LRP1B: variants seen among roughly 807,000 people sequenced by gnomAD.
LRP1B encodes the protein low-density lipoprotein receptor-related protein 1B.
LRP1B carries 217 observed loss-of-function variants against 556.6 expected under a neutral mutation model. The ratio of observed to expected loss-of-function variants is 0.39; its 90% confidence interval spans 0.35 to 0.44. The LOEUF is 0.44. Among genes scored for constraint, LRP1B ranks in the 20% least tolerant of loss-of-function variants. The probability of loss-of-function intolerance (pLI) is 1.00; values close to 1 mark genes in which losing one functional copy is unlikely to be tolerated. For missense variants in LRP1B, 5,053 were observed against 5,620.8 expected (o/e 0.90, Z 3.23); for synonymous variants, 2,047 against 1,865.8 (o/e 1.10, Z -2.50).
chr2:141,159,063 T>C (rs1355677746), intron 7 of LRP1B, among the ~76,000 whole-genome samples: 1 of 152,198 alleles, frequency 6.6e-6, no homozygotes, highest in Non-Finnish European at 1.5e-5. Flanking sequence ...TAGTCTTCAC[T>C]AAGTGAAGGA....
intron 7 of LRP1B, among the ~76,000 whole-genome samples, chr2:141,065,812 G>A (rs1463479078): frequency 6.6e-6 from 1 of 151,608 alleles, no homozygotes; most frequent in Non-Finnish European, 1.5e-5. Flanking sequence ...AACTTCCAGG[G>A]TCCTAGTCTC....
chr2:141,617,252 A>G (rs1285109233), intron 2 of LRP1B, among the ~76,000 whole-genome samples: 1 of 152,206 alleles, frequency 6.6e-6, no homozygotes, highest in African/African-American at 2.4e-5. Context: ...TCTTCAATAA[A>G]TATTAAACAA....
chr2:140,427,825 C>T (rs1685728969), intron 66 of LRP1B, among the ~76,000 whole-genome samples: 1 of 152,024 alleles, frequency 6.6e-6, no homozygotes, highest in Admixed American at 6.6e-5. Flanking sequence ...AGCTAGGTCC[C>T]AGTTCTTCCT....
chr2:141,867,217 T>C (rs1442068570), intron 1 of LRP1B, among the ~76,000 whole-genome samples: 1 of 152,122 alleles, frequency 6.6e-6, no homozygotes, highest in Non-Finnish European at 1.5e-5. Context: ...TGAACTCCAA[T>C]TTGATGAAAA....
At chr2:140,904,893 G>A (rs890793996) in intron 22 of LRP1B, among the ~76,000 whole-genome samples, 3 of 151,978 alleles carry the variant, frequency 2.0e-5, no homozygotes, top group East Asian at 1.9e-4. Flanking sequence ...CAAGTGTCAC[G>A]GTTTTCTCAG....
intron 34 of LRP1B, 35 bp from the exon 35 acceptor site, chr2:140,769,379 A>G: frequency 6.4e-7 from 1 of 1,554,994 alleles, no homozygotes; most frequent in Non-Finnish European, 8.7e-7. Flanking sequence ...GGGGGAAGGG[A>G]AGCCCAGAAT....
chr2:141,977,751 AAAAC>A (rs1701926587), intron 1 of LRP1B, among the ~76,000 whole-genome samples: 1 of 152,164 alleles, frequency 6.6e-6, no homozygotes, highest in African/African-American at 2.4e-5. Context: ...GCTGACAAGA[AAAAC>A]AAAGAATAGT....
chr2:140,957,938 A>G (rs1207150910), intron 18 of LRP1B, among the ~76,000 whole-genome samples: 1 of 151,574 alleles, frequency 6.6e-6, no homozygotes, highest in Non-Finnish European at 1.5e-5. Context: ...CCCCTTGAAA[A>G]TAGATGATCA....
chr2:142,056,288 A>G (rs763558094), intron 1 of LRP1B, among the ~76,000 whole-genome samples: 6 of 124,000 alleles, frequency 4.8e-5, no homozygotes, highest in Non-Finnish European at 1.1e-4. Flanking sequence ...CCTCTGGTAT[A>G]TGTAATAGGA....
rs140338354 is a variant in LRP1B, at chr2:140,952,635, G to A, written c.2888-695C>T. 3.9e-5 allele frequency among the ~76,000 whole-genome samples: 6 copies of A among 151,998 alleles called. No individual in the cohort carries two copies. The East Asian group carries it at 9.7e-4, about 25-fold the overall frequency. ...ACCTTTAGATAATTACAACAGAAAG[G>A]CATATAATTAGCATAGAAAAAGAGT... On this transcript the variant is annotated intron_variant, in intron 18 of 90. Coordinates refer to ENST00000389484, the MANE Select transcript of LRP1B (RefSeq NM_018557.3).
intron 35 of LRP1B, among the ~76,000 whole-genome samples, chr2:140,730,357 A>G (rs1354344644): frequency 6.6e-6 from 1 of 152,202 alleles, no homozygotes; most frequent in Admixed American, 6.5e-5. Flanking sequence ...TACATCATAC[A>G]AGGCAATTCA....
intron 41 of LRP1B, among the ~76,000 whole-genome samples, chr2:140,655,700 T>TG (rs1684853690): frequency 6.6e-6 from 1 of 152,128 alleles, no homozygotes; most frequent in African/African-American, 2.4e-5. Flanking sequence ...CCCAGCACTT[T>TG]GGGGGGCCGA....
intron 2 of LRP1B, among the ~76,000 whole-genome samples, chr2:141,752,002 G>A (rs1694133147): frequency 6.6e-6 from 1 of 151,106 alleles, no homozygotes; most frequent in African/African-American, 2.4e-5. Context: ...GGATTAAAAC[G>A]GGCTTTATAA....
intron 32 of LRP1B, among the ~76,000 whole-genome samples, chr2:140,808,682 T>G (rs1283609114): frequency 1.3e-5 from 2 of 152,192 alleles, no homozygotes; most frequent in African/African-American, 2.4e-5. Flanking sequence ...AGCTGGCACA[T>G]AGTGAGCACT....
chr2:140,291,312 A>ATTT (rs1277678661), intron 84 of LRP1B, among the ~76,000 whole-genome samples: 1 of 63,426 alleles, frequency 1.6e-5, no homozygotes, highest in Non-Finnish European at 3.3e-5. Flanking sequence ...ATATATATAT[A>ATTT]TATATATTTT....
intron 3 of LRP1B, among the ~76,000 whole-genome samples, chr2:141,397,909 CAT>C (rs1383236312): frequency 6.6e-6 from 1 of 151,486 alleles, no homozygotes; most frequent in East Asian, 1.9e-4. Flanking sequence ...TATACACACA[CAT>C]ATATGCATAT....
chr2:140,315,221 A>G, intron 82 of LRP1B, 122 bp from the exon 83 acceptor site: 1 of 624,060 alleles, frequency 1.6e-6, no homozygotes, highest in South Asian at 3.3e-5. Flanking sequence ...ATTAACCCCA[A>G]GTACAAAAGA....
chr2:141,049,032 G>C lies in LRP1B; in HGVS notation c.1743C>G (p.Gly581=), dbSNP rs1698960419. 4.3e-6 allele frequency: 7 copies of C among 1,613,394 alleles called. No homozygotes were observed. The highest frequency in any genetic ancestry group is 5.9e-6 in the Non-Finnish European group (7 of 1,179,606). ...TCTCTGTGCCATCTATCTTCTGCCG[G>C]CCAATTAGGAAACTGGTGGTGTCAG... ...YFADTTSFLI[G]RQKIDGTERE... The change falls in exon 11 of 91, where the codon GGC becomes GGG. Residue 581 remains glycine (G), a synonymous_variant. Coordinates refer to ENST00000389484, the MANE Select transcript of LRP1B (RefSeq NM_018557.3).
At chr2:140,729,611 T>C (rs1024573526) in intron 35 of LRP1B, among the ~76,000 whole-genome samples, 4 of 152,176 alleles carry the variant, frequency 2.6e-5, no homozygotes, top group African/African-American at 4.8e-5. Context: ...TACTTTCTAT[T>C]GAAGGCCATG....
Sources: allele counts gnomAD v4.1 joint callset (sites outside exome capture counted in the v4.1 genomes callset), GRCh38; gene constraint gnomAD v4.1.1; transcripts MANE v1.5; gene names NCBI Gene and HGNC (gene_info 2026-07-23, HGNC 2026-07-21).